The following GREB1 variants were observed in gnomAD, a reference collection of about 807,000 sequenced individuals.
GREB1 encodes growth regulating estrogen receptor binding 1.
Under a neutral mutation model 200.7 loss-of-function variants are expected in GREB1, and 106 were observed. The observed-to-expected ratio is 0.53, with a 90% CI of 0.45 to 0.62. GREB1 has a LOEUF of 0.62. Ranked by LOEUF, GREB1 falls within the 20% of genes least tolerant of loss-of-function variation. The pLI is 0.00. For missense variants in GREB1, 2,243 were observed against 2,556.8 expected (o/e 0.88, Z 2.65); for synonymous variants, 1,132 against 1,092.4 (o/e 1.04, Z -0.72).
chr2:11,606,310 T>A (rs919043206), intron 17 of GREB1, among the ~76,000 whole-genome samples: 8 of 152,246 alleles, frequency 5.3e-5, no homozygotes, highest in Non-Finnish European at 1.0e-4. Context: ...CCATCAGAAT[T>A]TCAGTGGCTC....
chr2:11,583,559 G>A lies in GREB1; in HGVS notation c.902-1602G>A, dbSNP rs548208223. On this transcript the variant is annotated intron_variant, in intron 7 of 32. Coordinates refer to ENST00000381486, the MANE Select transcript of GREB1 (RefSeq NM_014668.4). ...AGCAATGATTCTCACCCTGCAGCGT[G>A]CTTAAAAATTACCAGGCTGGTCGGG... 2.0e-5 allele frequency among the ~76,000 whole-genome samples: 3 copies of A among 152,250 alleles called. No individual in the cohort carries two copies. The South Asian group carries it at 6.2e-4, about 32-fold the overall frequency.
Position 11,640,536 on chromosome 2 carries a change from G to A in GREB1, c.*82G>A. On this transcript the variant is annotated 3_prime_UTR_variant, in exon 33 of 33. Coordinates refer to ENST00000381486, the MANE Select transcript of GREB1 (RefSeq NM_014668.4). This position sits in a 1 kb window ranked among gnomAD's most constrained non-coding sequence, Gnocchi z 4.6. ...AGGCTAAAGGGAGGCCTGGAACGGT[G>A]GGGCGTTTGACTGGAATGGACCCCA... The A allele has an allele frequency of 6.6e-7, 1 of 1,514,484 alleles. No individual in the cohort carries two copies. The highest frequency in any genetic ancestry group is 1.1e-5 in the South Asian group (1 of 88,452). The allele number at this position is 1,514,484 out of a possible 1,614,324, so 93.8% of individuals were successfully genotyped here.
intron 30 of GREB1, among the ~76,000 whole-genome samples, chr2:11,636,673 T>C (rs1685338006): frequency 6.6e-6 from 1 of 151,654 alleles, no homozygotes; most frequent in Admixed American, 6.6e-5. Flanking sequence ...AGGGAAGTGA[T>C]GTTAAAGGAG....
chr2:11,595,087 T>C (rs1197008581), intron 11 of GREB1, among the ~76,000 whole-genome samples, 164 bp from the exon 12 acceptor site: 1 of 151,854 alleles, frequency 6.6e-6, no homozygotes, highest in Non-Finnish European at 1.5e-5. Flanking sequence ...GGCACCATTG[T>C]CTTGTGTCAC....
chr2:11,523,463 T>C (rs956811844), intron 1 of GREB1, among the ~76,000 whole-genome samples: 1 of 152,240 alleles, frequency 6.6e-6, no homozygotes, highest in Admixed American at 6.5e-5. Context: ...TAATTGCTAT[T>C]GGTCTTGGGA....
Position 11,623,629 on chromosome 2 carries a change from G to A in GREB1, c.4148-1525G>A, listed in dbSNP as rs189727842. Reference sequence around the variant, plus strand: ...AGTAGGGCCAGGCGTGGTGGCTCACGCCTGTAATCCCAGCACTTTGTGGGG... The same window carrying A: ...AGTAGGGCCAGGCGTGGTGGCTCACACCTGTAATCCCAGCACTTTGTGGGG... On this transcript the variant is annotated intron_variant, in intron 23 of 32. Coordinates refer to ENST00000381486, the MANE Select transcript of GREB1 (RefSeq NM_014668.4). Among the ~76,000 whole-genome samples, 75 of 152,322 alleles carry A rather than the reference G, an allele frequency of 4.9e-4. 1 individual carries two copies. The highest frequency in any genetic ancestry group is 3.7e-3 in the Admixed American group (57 of 15,304).
intron 1 of GREB1, among the ~76,000 whole-genome samples, chr2:11,555,266 T>A (rs1676320381): frequency 1.3e-5 from 2 of 152,188 alleles, no homozygotes; most frequent in East Asian, 3.8e-4. Flanking sequence ...CACATTTAAA[T>A]GCCTGTTCTT....
chr2:11,509,805 G>T (rs1036632373), intron 1 of GREB1, among the ~76,000 whole-genome samples: 3 of 152,222 alleles, frequency 2.0e-5, no homozygotes, highest in Non-Finnish European at 4.4e-5. Flanking sequence ...ACCAGACACT[G>T]AGTCTGCTGG....
At position 11,597,962 on chromosome 2, in the gene GREB1, C is replaced by G. The variant is rs892471138; in HGVS notation, c.2136C>G (p.Leu712=). Residue 712 remains leucine, a synonymous_variant, in exon 14 of 33, where the codon CTC becomes CTG. Transcript: ENST00000381486. The surrounding 1 kb of genome is among the most constrained non-coding windows in gnomAD (Gnocchi z 4.1). ...AAGTGACCTACCAGCAGACTCTGCT[C>G]CATGTGTGGCATTCAGGTATGGGGC... ...PSEVTYQQTL[L]HVWHSGVLLE... The G allele has an allele frequency of 2.8e-5, 45 of 1,613,512 alleles. No homozygotes were observed. In the Admixed American group the frequency reaches 7.5e-4, roughly 27 times the overall value.
intron 17 of GREB1, among the ~76,000 whole-genome samples, chr2:11,604,036 A>T (rs1281444601): frequency 6.6e-6 from 1 of 152,174 alleles, no homozygotes; most frequent in Non-Finnish European, 1.5e-5. Context: ...AGCCACATTG[A>T]CCAAAGTCTC....
chr2:11,532,827 A>G (rs567781192), upstream of GREB1, among the ~76,000 whole-genome samples: 1 of 152,270 alleles, frequency 6.6e-6, no homozygotes, highest in African/African-American at 2.4e-5. Context: ...CATCGTGATG[A>G]TACTGCTTAA....
chr2:11,500,398 A>C (rs1476832589), intron 1 of GREB1, among the ~76,000 whole-genome samples: 1 of 151,490 alleles, frequency 6.6e-6, no homozygotes, highest in African/African-American at 2.4e-5. Flanking sequence ...ACCTCAGGTG[A>C]TCTGCTCGCC....
At position 11,536,969 on chromosome 2, in the gene GREB1, T is replaced by C. The variant is rs182943221; in HGVS notation, c.-162+2715T>C. On this transcript the variant is annotated intron_variant, in intron 1 of 32. Transcript: ENST00000381486. ...GTACCATAGATATTTTCTTTTTTTT[T>C]ATTTTTCTTTGAGATGGAGTTTCAC... 5.1e-3 allele frequency among the ~76,000 whole-genome samples: 778 copies of C among 152,344 alleles called. 4 individuals are homozygous for C. The highest frequency in any genetic ancestry group is 0.031 in the Middle Eastern group (9 of 294).
At chr2:11,634,387 C>A in intron 29 of GREB1, 38 bp downstream of exon 29, 1 of 1,541,914 alleles carries the variant, frequency 6.5e-7, no homozygotes, top group South Asian at 1.2e-5. Flanking sequence ...GGCGGCAGCC[C>A]TGGGGGCGCA....
intron 1 of GREB1, among the ~76,000 whole-genome samples, chr2:11,490,533 T>A (rs1252584357): frequency 6.6e-6 from 1 of 152,192 alleles, no homozygotes; most frequent in African/African-American, 2.4e-5. Context: ...AAACAAATTT[T>A]TGGTATGGAA....
chr2:11,625,611 A>G (rs1684380557), intron 24 of GREB1, among the ~76,000 whole-genome samples: 1 of 152,206 alleles, frequency 6.6e-6, no homozygotes, highest in Admixed American at 6.5e-5. Flanking sequence ...ATGTTTACTT[A>G]TTAATTTGGA....
In GREB1 at chr2:11,640,434, C is replaced by T. The variant is rs201094323; in HGVS notation, c.5830C>T (p.Leu1944=). The part of the protein sequence containing the change: ...NAREDRPLFF[L]TGRHI Reference sequence around the variant, plus strand: ...CAGGGAAGACCGGCCGCTCTTTTTTCTGACGGGACGACACATCTGAGGAAG... The same window carrying T: ...CAGGGAAGACCGGCCGCTCTTTTTTTTGACGGGACGACACATCTGAGGAAG... The change falls in exon 33 of 33, where the codon CTG becomes TTG. Residue 1944 remains leucine (L), a synonymous_variant. Coordinates refer to ENST00000381486, the MANE Select transcript of GREB1 (RefSeq NM_014668.4). The surrounding 1 kb of genome is among the most constrained non-coding windows in gnomAD (Gnocchi z 4.6). The T allele has an allele frequency of 9.4e-6, 15 of 1,590,714 alleles. No homozygotes were observed. The highest frequency in any genetic ancestry group is 1.2e-5 in the Non-Finnish European group (14 of 1,166,642).
chr2:11,638,751 G>A lies in GREB1; in HGVS notation c.5628G>A (p.Leu1876=), dbSNP rs778208659. 6 of 1,614,170 alleles carry A rather than the reference G, an allele frequency of 3.7e-6. No individual in the cohort carries two copies. Among genetic ancestry groups the A allele is most frequent in the Non-Finnish European group, 4.2e-6 (5 of 1,180,004 alleles). Reference sequence around the variant, plus strand: ...ACTTGCTGTTCAGTGGGCTGCTGCTGTACCTCTGTGACTCTTTTGTGGGAG... The same window carrying A: ...ACTTGCTGTTCAGTGGGCTGCTGCTATACCTCTGTGACTCTTTTGTGGGAG... ...CSDLLFSGLL[L]YLCDSFVGAS... The change falls in exon 32 of 33, where the codon CTG becomes CTA. Residue 1876 remains leucine (L), a synonymous_variant. Coordinates refer to ENST00000381486, the MANE Select transcript of GREB1 (RefSeq NM_014668.4).
chr2:11,634,794 G>T (rs1685177064), intron 29 of GREB1, among the ~76,000 whole-genome samples: 1 of 152,194 alleles, frequency 6.6e-6, no homozygotes, highest in Admixed American at 6.5e-5. Context: ...GGGCTTTGGA[G>T]CCAGACTGAC....
Sources: allele counts gnomAD v4.1 joint callset (sites outside exome capture counted in the v4.1 genomes callset), GRCh38; gene constraint gnomAD v4.1.1; non-coding constraint Gnocchi (gnomAD v3.1); transcripts MANE v1.5; gene names NCBI Gene and HGNC (gene_info 2026-07-23, HGNC 2026-07-21).